CELF5: variants seen among roughly 807,000 people sequenced by gnomAD.
CELF5 encodes CUGBP Elav-like family member 5.
A neutral mutation model predicts 54.9 loss-of-function variants in CELF5; 6 were observed. The ratio of observed to expected loss-of-function variants is 0.11; its 90% CI spans 0.06 to 0.22. The LOEUF (loss-of-function observed/expected upper bound fraction) is 0.22. CELF5 is among the 10% of genes least tolerant of loss of function. The pLI is 1.00. For missense variants in CELF5, 401 were observed against 678.6 expected, an observed-to-expected ratio of 0.59 and a Z score of 4.54; for synonymous variants, 271 against 290.9, an observed-to-expected ratio of 0.93 and a Z score of 0.70.
rs753981525 is a variant in CELF5 at position 3,290,295 on chromosome 19, G to A, written c.1251G>A (p.Thr417=). 1.9e-5 allele frequency: 30 copies of A among 1,613,822 alleles called. No homozygotes were observed. The highest frequency in any genetic ancestry group is 2.5e-5 in the Non-Finnish European group (29 of 1,179,910). ...AGGAGTTTGGAGACACGGAGCTGAC[G>A]CAGATGTTCCTACCCTTCGGCAATA... The part of the protein sequence containing the change: ...LPQEFGDTEL[T]QMFLPFGNII... The change falls in exon 11 of 13, where the codon ACG becomes ACA. Residue 417 remains threonine, a synonymous_variant. Coordinates refer to ENST00000292672, the MANE Select transcript of CELF5 (RefSeq NM_021938.4).
At chr19:3,279,120 T>A (rs1197506684) in intron 5 of CELF5, among the ~76,000 whole-genome samples, 2 of 151,882 alleles carry the variant, frequency 1.3e-5, no homozygotes, top group Non-Finnish European at 2.9e-5. Context: ...TAGGCCAAGG[T>A]CCAGCTGAGG....
At chr19:3,231,855 T>C (rs1875359761) in intron 1 of CELF5, among the ~76,000 whole-genome samples, 1 of 151,110 alleles carries the variant, frequency 6.6e-6, no homozygotes, top group Non-Finnish European at 1.5e-5. Flanking sequence ...GATGCATGAA[T>C]GAATGAGTGA....
In CELF5 at chr19:3,228,397, G is replaced by C. The variant is rs1173899189; in HGVS notation, c.259+3399G>C. Among the ~76,000 whole-genome samples the C allele has an allele frequency of 6.6e-6, 1 of 152,272 alleles. No individual in the cohort carries two copies. The highest frequency in any genetic ancestry group is 1.9e-4 in the East Asian group (1 of 5,176). ...CTGGCCCCCCTGCAGTTCCTGCCCC[G>C]GGGACCCTCCCTCCAAGGCAGGCAC... On this transcript the variant is annotated intron_variant, in intron 1 of 12. Coordinates refer to ENST00000292672, the MANE Select transcript of CELF5 (RefSeq NM_021938.4). The surrounding 1 kb of genome is among the most constrained non-coding windows in gnomAD (Gnocchi z 6.0).
chr19:3,281,491 C>T lies in CELF5; in HGVS notation c.750+146C>T. 1.2e-6 allele frequency: 1 copy of T among 849,620 alleles called. No individual in the cohort carries two copies. The highest frequency in any genetic ancestry group is 1.7e-5 in the South Asian group (1 of 57,576). The allele number at this position is 849,620 out of a possible 1,614,324, so 52.6% of individuals were successfully genotyped here. A position where few individuals can be genotyped will look rare whatever the true frequency, so the allele number is the denominator to read the frequency against. ...CTGAACCCCAACTCCAAATTGAGAC[C>T]AAGCTCAGACCGAGCCCCTAAATCC... On this transcript the variant is annotated intron_variant, in intron 6 of 12. Transcript: ENST00000292672. This position sits in a 1 kb window ranked among gnomAD's most constrained non-coding sequence, Gnocchi z 6.5.
At chr19:3,226,475 C>CACACACAA (rs3222224) in intron 1 of CELF5, among the ~76,000 whole-genome samples, 1 of 151,500 alleles carries the variant, frequency 6.6e-6, no homozygotes, top group East Asian at 1.9e-4. Context: ...CACACACACA[C>CACACACAA]AAAATTGGGC....
intron 10 of CELF5, 47 bp downstream of exon 10, chr19:3,286,072 C>A (rs1343677959): frequency 1.4e-6 from 2 of 1,455,202 alleles, no homozygotes; most frequent in Non-Finnish European, 1.8e-6. Context: ...GCCCTCTGCC[C>A]GCCCTGTCCA....
intron 2 of CELF5, among the ~76,000 whole-genome samples, chr19:3,253,628 A>T (rs2079680383): frequency 6.6e-6 from 1 of 152,136 alleles, no homozygotes. Context: ...GGTGCAGAGC[A>T]GGGGGGGCAA....
At chr19:3,289,452 C>G (rs964338490) in intron 10 of CELF5, among the ~76,000 whole-genome samples, 2 of 151,846 alleles carry the variant, frequency 1.3e-5, no homozygotes, top group East Asian at 3.9e-4. Flanking sequence ...GAGGCCAAGG[C>G]GGGCAGATCA....
rs1599446871 is a variant in CELF5, at chr19:3,268,929, CTG to C, written c.343-4942_343-4941del. Among the ~76,000 whole-genome samples, 1 of 152,142 alleles carries C rather than the reference CTG, an allele frequency of 6.6e-6. No homozygotes were observed. Among genetic ancestry groups the C allele is most frequent in the East Asian group, 1.9e-4 (1 of 5,164 alleles). ...TGGCAGGAGGAGCGGGGAGGAATGACTGGGGCTGAGCAGCAAAGGGCCCTCAA... is the reference window on the plus strand; with the variant it reads ...TGGCAGGAGGAGCGGGGAGGAATGACGGGCTGAGCAGCAAAGGGCCCTCAA... On this transcript the variant is annotated intron_variant, in intron 2 of 12. Coordinates refer to ENST00000292672, the MANE Select transcript of CELF5 (RefSeq NM_021938.4). This position sits in a 1 kb window ranked among gnomAD's most constrained non-coding sequence, Gnocchi z 4.4.
At position 3,275,839 on chromosome 19, in the gene CELF5, G is replaced by T. The variant is rs749241849; in HGVS notation, c.395-17G>T. The T allele has an allele frequency of 8.1e-6, 13 of 1,599,966 alleles. No individual in the cohort carries two copies. In the South Asian group the frequency reaches 1.2e-4, roughly 15 times the overall value. On this transcript the variant is annotated splice_polypyrimidine_tract_variant and intron_variant, in intron 3 of 12. Coordinates refer to ENST00000292672, the MANE Select transcript of CELF5 (RefSeq NM_021938.4). The surrounding 1 kb of genome is among the most constrained non-coding windows in gnomAD (Gnocchi z 6.7). ...GGAGGCCGGGGACTCGGCTGAGGTGGGTGTCGCCGCCCACAGGGGACCGGA... is the reference window on the plus strand; with the variant it reads ...GGAGGCCGGGGACTCGGCTGAGGTGTGTGTCGCCGCCCACAGGGGACCGGA...
intron 2 of CELF5, among the ~76,000 whole-genome samples, chr19:3,251,664 T>TG (rs1189694039): frequency 2.2e-4 from 30 of 135,760 alleles, no homozygotes; most frequent in African/African-American, 7.7e-4. Context: ...TTTTTTTTTT[T>TG]TTTTTTTTTT....
At chr19:3,253,631 G>C (rs1022357226) in intron 2 of CELF5, among the ~76,000 whole-genome samples, 1 of 152,166 alleles carries the variant, frequency 6.6e-6, no homozygotes, top group Non-Finnish European at 1.5e-5. Flanking sequence ...GCAGAGCAGG[G>C]GGGGCAAAGG....
rs2080098757 is a variant in CELF5, at chr19:3,278,701, T to TGTG, written c.603+591_603+592insGTG. The stretch of plus-strand genomic sequence containing the variant: ...GGTTTGTGTGTGTGTGTGTGTGTGT[T>TGTG]TGTGTGTGTGCATGACTGTGAGTGT... On this transcript the variant is annotated intron_variant, in intron 5 of 12. Coordinates refer to ENST00000292672, the MANE Select transcript of CELF5 (RefSeq NM_021938.4). This position sits in a 1 kb window ranked among gnomAD's most constrained non-coding sequence, Gnocchi z 4.5. 9.5e-5 allele frequency among the ~76,000 whole-genome samples: 11 copies of TGTG among 116,246 alleles called. No homozygotes were observed. Among genetic ancestry groups the TGTG allele is most frequent in the Admixed American group, 8.7e-4 (10 of 11,434 alleles). 76.3% of individuals were successfully genotyped at this position (116,246 alleles called of 152,430 possible).
chr19:3,266,817 G>A (rs2079888320), intron 2 of CELF5, among the ~76,000 whole-genome samples: 1 of 150,328 alleles, frequency 6.7e-6, no homozygotes, highest in Non-Finnish European at 1.5e-5. Context: ...TGCTGGGGAG[G>A]AAGACCCCCC....
chr19:3,264,250 A>C (rs1177010149), intron 2 of CELF5, among the ~76,000 whole-genome samples: 1 of 151,488 alleles, frequency 6.6e-6, no homozygotes, highest in Non-Finnish European at 1.5e-5. Context: ...CTGAAAAAAA[A>C]CAAAATTCTC....
intron 2 of CELF5, among the ~76,000 whole-genome samples, chr19:3,263,204 G>A (rs1394383837): frequency 2.1e-5 from 3 of 141,060 alleles, no homozygotes; most frequent in African/African-American, 8.1e-5. Context: ...CCGAGATCAC[G>A]CCATTGCACT....
At chr19:3,292,093 C>T (rs1249108269) in intron 11 of CELF5, among the ~76,000 whole-genome samples, 1 of 151,844 alleles carries the variant, frequency 6.6e-6, no homozygotes. Flanking sequence ...ATTACAGGCA[C>T]CCGCCATCAC....
chr19:3,271,288 C>T (rs1465779987), intron 2 of CELF5, among the ~76,000 whole-genome samples: 2 of 151,732 alleles, frequency 1.3e-5, no homozygotes, highest in Admixed American at 1.3e-4. Context: ...AGCCCAGAAG[C>T]TGGTCCCATC....
At position 3,228,036 on chromosome 19, in the gene CELF5, G is replaced by A. The variant is rs983095993; in HGVS notation, c.259+3038G>A. ...GGCCTCATCCAGGAGCGGGGCAGGGGTAGGGGGAGAGGGATGCGTCGAGGT... is the reference window on the plus strand; with the variant it reads ...GGCCTCATCCAGGAGCGGGGCAGGGATAGGGGGAGAGGGATGCGTCGAGGT... On this transcript the variant is annotated intron_variant, in intron 1 of 12. Coordinates refer to ENST00000292672, the MANE Select transcript of CELF5 (RefSeq NM_021938.4). The surrounding 1 kb of genome is among the most constrained non-coding windows in gnomAD (Gnocchi z 6.0). Among the ~76,000 whole-genome samples, 1 of 152,134 alleles carries A rather than the reference G, an allele frequency of 6.6e-6. No homozygotes were observed. Among genetic ancestry groups the A allele is most frequent in the African/African-American group, 2.4e-5 (1 of 41,426 alleles).
Sources: gnomAD v4.1 joint callset for allele counts (sites outside exome capture counted in the v4.1 genomes callset) on GRCh38, gnomAD v4.1.1 for gene constraint, Gnocchi (gnomAD v3.1) non-coding constraint, MANE v1.5 for transcripts, NCBI Gene and HGNC (gene_info 2026-07-23, HGNC 2026-07-21) for gene names.